The following NNMT variants were observed in gnomAD, a reference collection of about 807,000 sequenced individuals.
The protein encoded by NNMT is nicotinamide N-methyltransferase.
Under a neutral mutation model 11.7 loss-of-function variants are expected in NNMT, and 10 were observed. The observed-to-expected ratio is 0.85, with a 90% CI of 0.53 to 1.45. NNMT has a LOEUF of 1.45. Ranked by LOEUF, NNMT falls within the 40% of genes most tolerant of loss-of-function variation. The pLI is 0.00. For synonymous variants in NNMT, 143 were observed against 133.8 expected, an observed-to-expected ratio of 1.07 and a Z score of -0.48; for missense variants, 381 against 319.4, an observed-to-expected ratio of 1.19 and a Z score of -1.47.
At chr11:114,285,080 A>T (rs1287433632) in intron 2 of NNMT, among the ~76,000 whole-genome samples, 3 of 151,712 alleles carry the variant, frequency 2.0e-5, no homozygotes, top group Non-Finnish European at 4.4e-5. Flanking sequence ...TTCTCCCATC[A>T]CGCTTCTTCT....
At chr11:114,285,127 C>G (rs550215539) in intron 2 of NNMT, among the ~76,000 whole-genome samples, 1 of 152,242 alleles carries the variant, frequency 6.6e-6, no homozygotes, top group African/African-American at 2.4e-5. Flanking sequence ...TACACCCTTC[C>G]TCTCCCTCCC....
intron 1 of NNMT, among the ~76,000 whole-genome samples, chr11:114,258,334 C>T (rs546555992): frequency 1.7e-4 from 26 of 152,360 alleles, no homozygotes; most frequent in Non-Finnish European, 3.4e-4. Flanking sequence ...TCCTCCCAGT[C>T]GCTCTGAGGA....
chr11:114,310,328 T>C (rs372924342), intron 2 of NNMT, among the ~76,000 whole-genome samples: 7 of 152,218 alleles, frequency 4.6e-5, no homozygotes, highest in African/African-American at 1.7e-4. Context: ...TATCTCATGG[T>C]TTTGATTTGC....
chr11:114,280,805 T>C (rs1006134447), intron 2 of NNMT, among the ~76,000 whole-genome samples: 3 of 152,136 alleles, frequency 2.0e-5, no homozygotes, highest in Non-Finnish European at 4.4e-5. Context: ...AGTCTTGAGC[T>C]TGGGGGCTGC....
At chr11:114,300,658 A>G (rs565027435) in intron 2 of NNMT, among the ~76,000 whole-genome samples, 18 of 152,234 alleles carry the variant, frequency 1.2e-4, no homozygotes, top group African/African-American at 3.9e-4. Context: ...TTTGCTCCCT[A>G]TAGTTCTGTC....
At chr11:114,297,030 C>T (rs1446985051) in intron 1 of NNMT, among the ~76,000 whole-genome samples, 1 of 152,188 alleles carries the variant, frequency 6.6e-6, no homozygotes, top group African/African-American at 2.4e-5. Context: ...AAAACAGTAC[C>T]TATTCTGATC....
intron 2 of NNMT, among the ~76,000 whole-genome samples, chr11:114,305,125 A>G (rs1194719070): frequency 1.3e-5 from 2 of 152,220 alleles, no homozygotes; most frequent in African/African-American, 4.8e-5. Flanking sequence ...CAGAATCAGA[A>G]CCTTCACTGT....
intron 2 of NNMT, among the ~76,000 whole-genome samples, chr11:114,284,837 T>A (rs1471921244): frequency 6.9e-6 from 1 of 145,090 alleles, no homozygotes; most frequent in Non-Finnish European, 1.5e-5. Flanking sequence ...TGGTGTAGTC[T>A]CTGCTAACTG....
At chr11:114,287,977 A>C (rs1458061011) in intron 2 of NNMT, among the ~76,000 whole-genome samples, 1 of 152,174 alleles carries the variant, frequency 6.6e-6, no homozygotes, top group Non-Finnish European at 1.5e-5. Flanking sequence ...ATTCTTAGGT[A>C]CTTCATATTT....
chr11:114,296,437 A>C lies in NNMT; in HGVS notation c.-120A>C. The C allele has an allele frequency of 1.0e-6, 1 of 980,626 alleles. No homozygotes were observed. Among genetic ancestry groups the C allele is most frequent in the East Asian group, 2.5e-5 (1 of 40,650 alleles). 60.7% of individuals were successfully genotyped at this position (980,626 alleles called of 1,614,324 possible). On this transcript the variant is annotated 5_prime_UTR_variant, in exon 1 of 3. Transcript: ENST00000299964. ...CCATCTGTTCTAAAAGAAGGGCTGA[A>C]CTGATGGAAGGAATGCTGTTAGCCT...
intron 2 of NNMT, among the ~76,000 whole-genome samples, chr11:114,305,204 C>G (rs1427004101): frequency 6.6e-6 from 1 of 152,226 alleles, no homozygotes; most frequent in Non-Finnish European, 1.5e-5. Flanking sequence ...GGGCTTCCCT[C>G]TAGGTGTGCC....
intron 2 of NNMT, among the ~76,000 whole-genome samples, chr11:114,285,121 C>T (rs576620154): frequency 6.6e-6 from 1 of 152,108 alleles, no homozygotes; most frequent in South Asian, 2.1e-4. Context: ...CCACCTTACA[C>T]CCTTCCTCTC....
chr11:114,272,817 C>T (rs1457432335), intron 2 of NNMT, among the ~76,000 whole-genome samples: 1 of 152,112 alleles, frequency 6.6e-6, no homozygotes, highest in East Asian at 1.9e-4. Flanking sequence ...TCATGATTAA[C>T]AGGAGAAAAA....
chr11:114,264,810 A>G (rs1945108112), intron 2 of NNMT, among the ~76,000 whole-genome samples: 1 of 152,240 alleles, frequency 6.6e-6, no homozygotes, highest in Non-Finnish European at 1.5e-5. Context: ...CCTATTTACT[A>G]TAAAAGATAT....
At chr11:114,292,465 A>AT (rs938842006), upstream of NNMT, among the ~76,000 whole-genome samples, 4 of 152,124 alleles carry the variant, frequency 2.6e-5, no homozygotes, top group African/African-American at 4.8e-5. Flanking sequence ...CACTACATTG[A>AT]TTTTTTGTGC....
Position 114,296,626 on chromosome 11 carries a change from T to C in NNMT, c.70T>C (p.Tyr24His). The change falls in exon 1 of 3, where the codon TAT becomes CAT. Residue 24 changes from tyrosine (Y) to histidine (H), a missense_variant. Physicochemically the swap from Tyr to His is moderately conservative, Grantham distance 83 (BLOSUM62 2). Coordinates refer to ENST00000299964, the MANE Select transcript of NNMT (RefSeq NM_006169.3). ...TAACCCTCGGGATTACCTAGAAAAA[T>C]ATTACAAGTTTGGTTCTAGGCACTC... ...HFNPRDYLEK[Y>H]YKFGSRHSAE... 1.2e-6 allele frequency: 2 copies of C among 1,614,098 alleles called. No individual in the cohort carries two copies. Among genetic ancestry groups the C allele is most frequent in the Non-Finnish European group, 8.5e-7 (1 of 1,180,008 alleles).
At chr11:114,260,800 G>A (rs185785017) in intron 1 of NNMT, among the ~76,000 whole-genome samples, 2 of 152,290 alleles carry the variant, frequency 1.3e-5, no homozygotes, top group Admixed American at 6.5e-5. Context: ...GCTGCCGTGC[G>A]GTGCACCCTA....
At chr11:114,293,287 C>T (rs959718590), upstream of NNMT, among the ~76,000 whole-genome samples, 1 of 152,138 alleles carries the variant, frequency 6.6e-6, no homozygotes, top group African/African-American at 2.4e-5. Flanking sequence ...AGACAATTTG[C>T]CTGCCACATG....
At chr11:114,289,265 G>T (rs931897417) in intron 2 of NNMT, among the ~76,000 whole-genome samples, 2 of 152,168 alleles carry the variant, frequency 1.3e-5, no homozygotes, top group Non-Finnish European at 2.9e-5. Context: ...CTGGGCATAT[G>T]AGCCTTCTCT....
Sources: allele counts gnomAD v4.1 joint callset (sites outside exome capture counted in the v4.1 genomes callset), GRCh38; gene constraint gnomAD v4.1.1; transcripts MANE v1.5; gene names NCBI Gene and HGNC (gene_info 2026-07-23, HGNC 2026-07-21).